The following CDK13 variants were observed in gnomAD, a reference collection of about 807,000 sequenced individuals.
The protein encoded by CDK13 is cyclin-dependent kinase 13.
In CDK13, 40 loss-of-function variants were observed where a neutral mutation model predicts 137.6. That is an observed-to-expected ratio of 0.29 (90% confidence interval 0.23 to 0.38). The LOEUF is 0.38. Ranked by LOEUF, CDK13 falls within the 10% of genes least tolerant of loss-of-function variation. CDK13 has a pLI of 1.00. For synonymous variants in CDK13, 869 were observed against 760.1 expected (o/e 1.14, Z -2.36); for missense variants, 1,704 against 1,951.8 (o/e 0.87, Z 2.39).
In CDK13 at chr7:39,950,506, T is replaced by C; in HGVS notation, c.-136T>C. The stretch of plus-strand genomic sequence containing the variant: ...GGGACCCGAGTCCCGACCCGGATTA[T>C]CGTGGCGCTTTTCCCGGCCGGCTCT... On this transcript the variant is annotated 5_prime_UTR_variant, in exon 1 of 14. Coordinates refer to ENST00000181839, the MANE Select transcript of CDK13 (RefSeq NM_003718.5). 1 of 1,268,034 alleles carries C rather than the reference T, an allele frequency of 7.9e-7. No individual in the cohort carries two copies. Among genetic ancestry groups the C allele is most frequent in the Non-Finnish European group, 9.9e-7 (1 of 1,007,988 alleles). 78.5% of individuals were successfully genotyped at this position (1,268,034 alleles called of 1,614,324 possible). A position where few individuals can be genotyped will look rare whatever the true frequency, so the allele number is the denominator to read the frequency against.
At chr7:40,049,710 T>A (rs573436099) in intron 7 of CDK13, among the ~76,000 whole-genome samples, 264 of 152,286 alleles carry the variant, frequency 1.7e-3, no homozygotes, top group African/African-American at 5.8e-3. Context: ...TGAACTTTTA[T>A]ATCCTTAGGC....
intron 7 of CDK13, among the ~76,000 whole-genome samples, chr7:40,058,240 T>C (rs1377418226): frequency 6.6e-6 from 1 of 152,114 alleles, no homozygotes; most frequent in Non-Finnish European, 1.5e-5. Context: ...TTGCCCAGTG[T>C]AATAGGAGGT....
At position 40,045,922 on chromosome 7, in the gene CDK13, A is replaced by G. The variant is rs766824816; in HGVS notation, c.2440A>G (p.Ile814Val). The G allele has an allele frequency of 1.1e-5, 18 of 1,613,092 alleles. No individual in the cohort carries two copies. Among genetic ancestry groups the G allele is most frequent in the Non-Finnish European group, 1.4e-5 (17 of 1,179,148 alleles). The change falls in exon 6 of 14, where the codon ATA (isoleucine) becomes GTA (valine). Residue 814 changes from isoleucine (I) to valine (V), a missense_variant. Ile to Val is a conservative substitution (Grantham distance 29). Transcript: ENST00000181839. Reference sequence around the variant, plus strand: ...CTTGGTTCATTTTAATGAAAATCACATAAAGTCATTTATGAGACAGCTCAT... The same window carrying G: ...CTTGGTTCATTTTAATGAAAATCACGTAAAGTCATTTATGAGACAGCTCAT... ...SGLVHFNENH[I>V]KSFMRQLMEG...
intron 5 of CDK13, among the ~76,000 whole-genome samples, chr7:40,043,924 T>C (rs1416193954): frequency 6.9e-6 from 1 of 145,218 alleles, no homozygotes; most frequent in Non-Finnish European, 1.5e-5. Flanking sequence ...TGAGATGGAA[T>C]CTTGCTCTGT....
In CDK13 at chr7:40,096,867, T is replaced by A. The variant is rs982961539; in HGVS notation, c.*1887T>A. 2.0e-5 allele frequency: 3 copies of A among 152,146 alleles called. No homozygotes were observed. Among genetic ancestry groups the A allele is most frequent in the African/African-American group, 7.2e-5 (3 of 41,454 alleles). 9.4% of individuals were successfully genotyped at this position (152,146 alleles called of 1,614,324 possible). Reference sequence around the variant, plus strand: ...AAAATATGTTGCTTTTATTTGAATATTGATTACTAACAACTTATAAACTAC... The same window carrying A: ...AAAATATGTTGCTTTTATTTGAATAATGATTACTAACAACTTATAAACTAC... On this transcript the variant is annotated 3_prime_UTR_variant, in exon 14 of 14. Transcript: ENST00000181839.
At chr7:39,984,030 A>C (rs999123433) in intron 1 of CDK13, 6 of 152,300 alleles carry the variant, frequency 3.9e-5, no homozygotes, top group South Asian at 2.1e-4. Flanking sequence ...TTTGTGTTTG[A>C]GTTTATCCTA....
chr7:40,068,655 G>A (rs892639063), intron 9 of CDK13, among the ~76,000 whole-genome samples: 5 of 140,790 alleles, frequency 3.6e-5, no homozygotes, highest in Non-Finnish European at 6.0e-5. Context: ...GCAGTGAGTC[G>A]AGATTGTGCC....
At chr7:40,045,688 A>G (rs1785721675) in intron 5 of CDK13, 148 bp from the exon 6 acceptor site, 1 of 539,702 alleles carries the variant, frequency 1.9e-6, no homozygotes, top group Non-Finnish European at 3.2e-6. Flanking sequence ...AAGTCCAGAG[A>G]GAAAGATGAA....
chr7:40,033,754 G>GA (rs936956730), intron 5 of CDK13, among the ~76,000 whole-genome samples: 1 of 150,540 alleles, frequency 6.6e-6, no homozygotes, highest in African/African-American at 2.5e-5. Flanking sequence ...TAGAGGGAGG[G>GA]AAGTGTTCTA....
In CDK13 at chr7:40,041,129, C is replaced by G. The variant is rs1163458198; in HGVS notation, c.2354-4707C>G. On this transcript the variant is annotated intron_variant, in intron 5 of 13. Transcript: ENST00000181839. ...TCACCTGAGGTTAGGAGTTCAAGACCAGCCTGGCCAACATTGTGAAACCCC... is the reference window on the plus strand; with the variant it reads ...TCACCTGAGGTTAGGAGTTCAAGACGAGCCTGGCCAACATTGTGAAACCCC... Among the ~76,000 whole-genome samples the G allele has an allele frequency of 2.0e-5, 3 of 152,124 alleles. No individual in the cohort carries two copies. In the East Asian group the frequency reaches 5.8e-4, roughly 29 times the overall value.
At position 40,031,828 on chromosome 7, in the gene CDK13, GTTATTATTATTA is replaced by G. The variant is rs34654098; in HGVS notation, c.2354-13981_2354-13970del. On this transcript the variant is annotated intron_variant, in intron 5 of 13. Coordinates refer to ENST00000181839, the MANE Select transcript of CDK13 (RefSeq NM_003718.5). ...GCTCGGCTAATTTATTATTATTATTGTTATTATTATTATTATTATTATTATTATTATTATTAT... is the reference window on the plus strand; with the variant it reads ...GCTCGGCTAATTTATTATTATTATTGTTATTATTATTATTATTATTATTAT... Among the ~76,000 whole-genome samples the G allele has an allele frequency of 5.5e-4, 76 of 139,100 alleles. 1 individual carries two copies. The Middle Eastern group carries it at 0.011, about 21-fold the overall frequency. The allele number at this position is 139,100 out of a possible 152,430, so 91.3% of individuals were successfully genotyped here. A position where few individuals can be genotyped will look rare whatever the true frequency, so the allele number is the denominator to read the frequency against.
chr7:40,023,762 GGC>G (rs1237087186), intron 5 of CDK13, among the ~76,000 whole-genome samples: 1 of 152,136 alleles, frequency 6.6e-6, no homozygotes, highest in African/African-American at 2.4e-5. Flanking sequence ...TGAGATTACA[GGC>G]GTGAGCCACC....
intron 5 of CDK13, among the ~76,000 whole-genome samples, chr7:40,009,211 T>G (rs1000163252): frequency 6.6e-6 from 1 of 152,260 alleles, no homozygotes; most frequent in Non-Finnish European, 1.5e-5. Context: ...AGGTTCTGCT[T>G]CTTTTATTGT....
rs17496612 is a variant in CDK13, at chr7:40,076,904, T to C, written c.2781-1101T>C. 8.3e-3 allele frequency among the ~76,000 whole-genome samples: 1,265 copies of C among 152,276 alleles called. 17 individuals carry two copies. The highest frequency in any genetic ancestry group is 0.027 in the African/African-American group (1,132 of 41,558). Reference sequence around the variant, plus strand: ...TTACATATGCAGACCAGCTGACAATTTTATATATAATAAACATCCTTGAAA... The same window carrying C: ...TTACATATGCAGACCAGCTGACAATCTTATATATAATAAACATCCTTGAAA... On this transcript the variant is annotated intron_variant, in intron 9 of 13. Coordinates refer to ENST00000181839, the MANE Select transcript of CDK13 (RefSeq NM_003718.5).
At chr7:40,043,461 A>G (rs997091069) in intron 5 of CDK13, among the ~76,000 whole-genome samples, 1 of 152,150 alleles carries the variant, frequency 6.6e-6, no homozygotes, top group African/African-American at 2.4e-5. Context: ...TTGTCAAGTT[A>G]AGTCTCCTCG....
At chr7:40,025,161 T>G (rs987627774) in intron 5 of CDK13, among the ~76,000 whole-genome samples, 8 of 102 alleles carry the variant, frequency 0.078, no homozygotes, top group Admixed American at 0.11. Context: ...AGCTTAAGTA[T>G]CTCTTCTGAT....
intron 5 of CDK13, among the ~76,000 whole-genome samples, chr7:40,020,894 C>A (rs1785102311): frequency 6.6e-6 from 1 of 150,722 alleles, no homozygotes; most frequent in Non-Finnish European, 1.5e-5. Context: ...AGATGGAGAC[C>A]ATCCTGGCCA....
chr7:40,072,715 C>T (rs1047801520), intron 9 of CDK13: 20 of 152,274 alleles, frequency 1.3e-4, no homozygotes, highest in African/African-American at 2.9e-4. Context: ...GTCTTACATA[C>T]GAATACTGAT....
At position 40,088,347 on chromosome 7, in the gene CDK13, A is replaced by T; in HGVS notation, c.3235+16A>T. 6.3e-7 allele frequency: 1 copy of T among 1,597,626 alleles called. No individual in the cohort carries two copies. Among genetic ancestry groups the T allele is most frequent in the Non-Finnish European group, 8.6e-7 (1 of 1,166,242 alleles). On this transcript the variant is annotated intron_variant, in intron 12 of 13. Coordinates refer to ENST00000181839, the MANE Select transcript of CDK13 (RefSeq NM_003718.5). ...GTGGCACCTGGTCAGTAATGCTTCC[A>T]TGGGTTGGTTTTCTTCACATTGTTT...
Sources: gnomAD v4.1 joint callset for allele counts (sites outside exome capture counted in the v4.1 genomes callset) on GRCh38, gnomAD v4.1.1 for gene constraint, MANE v1.5 for transcripts, NCBI Gene and HGNC (gene_info 2026-07-23, HGNC 2026-07-21) for gene names.